Variants in USH2A observed in about 807,000 individuals in gnomAD.
The protein encoded by USH2A is Usher syndrome 2A (autosomal recessive, mild).
USH2A carries 443 observed loss-of-function variants against 538.9 expected under a neutral mutation model. The ratio of observed to expected loss-of-function variants is 0.82; its 90% CI spans 0.76 to 0.89. The LOEUF (loss-of-function observed/expected upper bound fraction) is 0.89. Ranked by LOEUF, USH2A falls within the 40% of genes least tolerant of loss-of-function variation. The pLI, the probability that USH2A is intolerant of heterozygous loss-of-function variation, is 0.00. For missense variants in USH2A, 6,633 were observed against 6,324.8 expected, an observed-to-expected ratio of 1.05 and a Z score of -1.65; for synonymous variants, 2,413 against 2,273.5, an observed-to-expected ratio of 1.06 and a Z score of -1.75.
At chr1:215,971,428 C>T (rs145480567) in intron 35 of USH2A, among the ~76,000 whole-genome samples, 156 of 152,102 alleles carry the variant, frequency 1.0e-3, no homozygotes, top group African/African-American at 3.6e-3. Flanking sequence ...GACATAGACC[C>T]CCTTAGTAAT....
In USH2A at chr1:215,950,922, G is replaced by A. The variant is rs185820164; in HGVS notation, c.7120+14395C>T. ...TGTGTAACAATTGAAAATTTATTGC[G>A]TCTATTTGATTCTTCTCTCTTTTCT... On this transcript the variant is annotated intron_variant, in intron 37 of 71. Transcript: ENST00000307340. Among the ~76,000 whole-genome samples, 494 of 152,216 alleles carry A rather than the reference G, an allele frequency of 3.2e-3. 1 individual carries two copies. Among genetic ancestry groups the A allele is most frequent in the Middle Eastern group, 0.01 (3 of 294 alleles).
At chr1:216,397,975 A>G (rs965557796) in intron 3 of USH2A, among the ~76,000 whole-genome samples, 8 of 152,188 alleles carry the variant, frequency 5.3e-5, no homozygotes, top group Non-Finnish European at 8.8e-5. Context: ...AATACAGACC[A>G]TGTCTAGCTT....
At position 215,870,669 on chromosome 1, in the gene USH2A, A is replaced by G. The variant is rs183909484; in HGVS notation, c.8682-3499T>C. ...TCATTTCATCTGAATTCCAATCTGT[A>G]TTTAGTAAGAATATATACCTATGGC... On this transcript the variant is annotated intron_variant, in intron 43 of 71. Transcript: ENST00000307340. Among the ~76,000 whole-genome samples, 51 of 152,136 alleles carry G rather than the reference A, an allele frequency of 3.4e-4. 1 individual carries two copies. The East Asian group carries it at 9.5e-3, about 28-fold the overall frequency.
chr1:215,928,548 G>C (rs1422060310), intron 38 of USH2A, among the ~76,000 whole-genome samples: 2 of 151,998 alleles, frequency 1.3e-5, no homozygotes, highest in South Asian at 2.1e-4. Context: ...AAATTATCAG[G>C]CTCCAGTAAA....
At chr1:215,682,731 G>A (rs990055745) in intron 61 of USH2A, among the ~76,000 whole-genome samples, 3 of 142,222 alleles carry the variant, frequency 2.1e-5, no homozygotes, top group Non-Finnish European at 4.6e-5. Context: ...CAGTTGTTTT[G>A]CTTAACCTGG....
At chr1:215,836,212 T>C (rs1335425148) in intron 47 of USH2A, among the ~76,000 whole-genome samples, 1 of 151,596 alleles carries the variant, frequency 6.6e-6, no homozygotes, top group Non-Finnish European at 1.5e-5. Flanking sequence ...AATTCTTCCT[T>C]GAGCTTTTCA....
At chr1:215,676,356 A>AT (rs1298538326) in intron 62 of USH2A, among the ~76,000 whole-genome samples, 2 of 151,792 alleles carry the variant, frequency 1.3e-5, no homozygotes, top group African/African-American at 2.4e-5. Context: ...GCAAGTTTTC[A>AT]TTTTTTTTGA....
intron 61 of USH2A, among the ~76,000 whole-genome samples, chr1:215,697,475 C>T (rs1658857207): frequency 6.6e-6 from 1 of 152,012 alleles, no homozygotes; most frequent in Non-Finnish European, 1.5e-5. Flanking sequence ...ATCTTTTGGG[C>T]TTCTCTGCTT....
chr1:216,407,342 G>T (rs1207715730), intron 3 of USH2A, among the ~76,000 whole-genome samples: 1 of 146,034 alleles, frequency 6.8e-6, no homozygotes, highest in Non-Finnish European at 1.6e-5. Context: ...TTTCACAGTT[G>T]TTGTTAAATA....
At chr1:216,059,122 C>CAT (rs969036371) in intron 30 of USH2A, among the ~76,000 whole-genome samples, 2 of 152,160 alleles carry the variant, frequency 1.3e-5, no homozygotes, top group African/African-American at 2.4e-5. Flanking sequence ...AGAGAGAATA[C>CAT]ATATATAGAG....
intron 32 of USH2A, among the ~76,000 whole-genome samples, chr1:216,032,304 T>A (rs1669146847): frequency 6.6e-6 from 1 of 152,188 alleles, no homozygotes; most frequent in African/African-American, 2.4e-5. Flanking sequence ...TTACCATTTT[T>A]AGAAGAGTTA....
chr1:216,112,529 G>A (rs926297991), intron 21 of USH2A, among the ~76,000 whole-genome samples: 6 of 152,014 alleles, frequency 3.9e-5, no homozygotes, highest in Non-Finnish European at 7.4e-5. Context: ...TTGTGTCACG[G>A]GGGTTCAATG....
chr1:216,404,847 C>T (rs1006258691), intron 3 of USH2A, among the ~76,000 whole-genome samples: 5 of 151,706 alleles, frequency 3.3e-5, no homozygotes, highest in African/African-American at 1.2e-4. Context: ...TGGTCTCAAA[C>T]TCCAGAGCTC....
rs369357349 is a variant in USH2A, at chr1:216,175,467, C to G, written c.4412G>C (p.Arg1471Thr). The G allele has an allele frequency of 1.1e-4, 178 of 1,613,732 alleles. 3 individuals carry two copies. In the South Asian group the frequency reaches 1.9e-3, roughly 17 times the overall value. ...QTLAAAPAQL[R>T]PPLVKGINST... ...GTTGATTCCTTTAACCAGAGGTGGC[C>G]TCAGTTGTGCTGGTGCTAAATATTA... The change falls in exon 21 of 72, where the codon AGG becomes ACG. Residue 1471 changes from arginine to threonine, a missense_variant. Coordinates refer to ENST00000307340, the MANE Select transcript of USH2A (RefSeq NM_206933.4).
At position 216,151,503 on chromosome 1, in the gene USH2A, C is replaced by T. The variant is rs994525007; in HGVS notation, c.4627+23749G>A. 9.2e-5 allele frequency among the ~76,000 whole-genome samples: 14 copies of T among 152,158 alleles called. 1 individual carries two copies. Among genetic ancestry groups the T allele is most frequent in the South Asian group, 6.2e-4 (3 of 4,830 alleles). ...TGGTCGGTTTAGGACTTTCTGCCTC[C>T]ATGATTGCTCTCGGTACTGGAATAG... On this transcript the variant is annotated intron_variant, in intron 21 of 71. Coordinates refer to ENST00000307340, the MANE Select transcript of USH2A (RefSeq NM_206933.4).
At chr1:215,758,237 G>A (rs568744519) in intron 58 of USH2A, among the ~76,000 whole-genome samples, 11 of 150,014 alleles carry the variant, frequency 7.3e-5, no homozygotes, top group Non-Finnish European at 1.5e-4. Context: ...GGTGAGCTGA[G>A]ATTGCGCCAT....
At chr1:216,330,315 G>A (rs976220376) in intron 4 of USH2A, among the ~76,000 whole-genome samples, 2 of 152,086 alleles carry the variant, frequency 1.3e-5, no homozygotes, top group African/African-American at 4.8e-5. Context: ...TAGTATATTA[G>A]AATGCAATAC....
intron 46 of USH2A, 117 bp from the exon 47 acceptor site, chr1:215,838,220 CTT>C: frequency 1.2e-6 from 1 of 831,412 alleles, no homozygotes; most frequent in Non-Finnish European, 2.0e-6. Flanking sequence ...TCTATAGCCT[CTT>C]GAGGTTTAAT....
At position 215,844,489 on chromosome 1, in the gene USH2A, C is replaced by T. The variant is rs1435675079; in HGVS notation, c.9063G>A (p.Gln3021=). The change falls in exon 46 of 72, where the codon CAG becomes CAA. Residue 3021 remains glutamine (Q), a synonymous_variant. Coordinates refer to ENST00000307340, the MANE Select transcript of USH2A (RefSeq NM_206933.4). Reference sequence around the variant, plus strand: ...TGACAACCTCTGGAGGAAGCATGCCCTGAGGCTCTAGAATTAAAGGAAGAA... The same window carrying T: ...TGACAACCTCTGGAGGAAGCATGCCTTGAGGCTCTAGAATTAAAGGAAGAA... ...LHATTCDGEP[Q]GMLPPEVVII... is the part of the protein sequence containing the mutation. The T allele has an allele frequency of 6.2e-7, 1 of 1,608,912 alleles. No individual in the cohort carries two copies. The highest frequency in any genetic ancestry group is 1.3e-5 in the African/African-American group (1 of 74,898).
Sources: allele counts gnomAD v4.1 joint callset (sites outside exome capture counted in the v4.1 genomes callset), GRCh38; gene constraint gnomAD v4.1.1; transcripts MANE v1.5; gene names NCBI Gene and HGNC (gene_info 2026-07-23, HGNC 2026-07-21).